TLN2: variants seen among roughly 807,000 people sequenced by gnomAD.
The protein encoded by TLN2 is talin-2.
Under a neutral mutation model 294.7 loss-of-function variants are expected in TLN2, and 118 were observed. The ratio of observed to expected loss-of-function variants is 0.40; its 90% CI spans 0.34 to 0.47. The LOEUF (loss-of-function observed/expected upper bound fraction) is 0.47. Ranked by LOEUF, TLN2 falls within the 20% of genes least tolerant of loss-of-function variation. TLN2 has a pLI of 0.84. For synonymous variants in TLN2, 1,431 were observed against 1,304.5 expected, an observed-to-expected ratio of 1.10 and a Z score of -2.09; for missense variants, 3,083 against 3,282.2, an observed-to-expected ratio of 0.94 and a Z score of 1.48.
At chr15:62,591,420 T>G (rs2046067378) in intron 2 of TLN2, among the ~76,000 whole-genome samples, 1 of 152,142 alleles carries the variant, frequency 6.6e-6, no homozygotes, top group South Asian at 2.1e-4. Context: ...ATTGCCTGTT[T>G]CCAGAAAATG....
chr15:62,467,904 C>G (rs2037235053), intron 1 of TLN2, among the ~76,000 whole-genome samples: 1 of 152,128 alleles, frequency 6.6e-6, no homozygotes, highest in African/African-American at 2.4e-5. Flanking sequence ...TCCAAAGTTC[C>G]TTCTGCATCT....
At chr15:62,628,116 A>C (rs1370091810) in intron 3 of TLN2, among the ~76,000 whole-genome samples, 1 of 152,250 alleles carries the variant, frequency 6.6e-6, no homozygotes, top group Non-Finnish European at 1.5e-5. Context: ...GAGAAGTCTA[A>C]GATTACCAGT....
Position 62,564,919 on chromosome 15 carries a change from A to ATATAT in TLN2, c.-237-24768_-237-24767insTATAT, listed in dbSNP as rs1252446922. 5.7e-3 allele frequency among the ~76,000 whole-genome samples: 641 copies of ATATAT among 112,082 alleles called. 4 individuals are homozygous for ATATAT. The highest frequency in any genetic ancestry group is 9.8e-3 in the Non-Finnish European group (523 of 53,480). The allele number at this position is 112,082 out of a possible 152,430, so 73.5% of individuals were successfully genotyped here. A position where few individuals can be genotyped will look rare whatever the true frequency, so the allele number is the denominator to read the frequency against. Reference sequence around the variant, plus strand: ...AAACTCCATCTCAAAAAAAAAAAAAAAAAAAAATATATATATATATATACT... The same window carrying ATATAT: ...AAACTCCATCTCAAAAAAAAAAAAAATATATAAAAAAATATATATATATATATACT... On this transcript the variant is annotated intron_variant, in intron 1 of 58. Transcript: ENST00000636159.
intron 1 of TLN2, among the ~76,000 whole-genome samples, chr15:62,533,944 C>T (rs2041189878): frequency 6.6e-6 from 1 of 152,132 alleles, no homozygotes. Context: ...AGATGGTTGC[C>T]CATTGTCTTA....
At chr15:62,824,929 G>C (rs779254296) in intron 54 of TLN2, among the ~76,000 whole-genome samples, 2 of 152,214 alleles carry the variant, frequency 1.3e-5, no homozygotes, top group Non-Finnish European at 2.9e-5. Context: ...AAAGGTGTAA[G>C]CAAATGGTTT....
rs56279063 is a variant in TLN2, at chr15:62,574,579, C to CAAAAAAAAAAAAAAAAAAAAAAAA, written c.-237-15091_-237-15068dup. Among the ~76,000 whole-genome samples, 8 of 46,492 alleles carry CAAAAAAAAAAAAAAAAAAAAAAAA rather than the reference C, an allele frequency of 1.7e-4. 1 individual carries two copies. Among genetic ancestry groups the CAAAAAAAAAAAAAAAAAAAAAAAA allele is most frequent in the Admixed American group, 3.3e-4 (1 of 3,062 alleles). 30.5% of individuals were successfully genotyped at this position (46,492 alleles called of 152,430 possible). On this transcript the variant is annotated intron_variant, in intron 1 of 58. Coordinates refer to ENST00000636159, the MANE Select transcript of TLN2 (RefSeq NM_015059.3). Reference sequence around the variant, plus strand: ...TGGGCAACAGGATGAGACCCTGTCTCAAAAAAAAAAAAAAAAAAAAAAAAA... The same window carrying CAAAAAAAAAAAAAAAAAAAAAAAA: ...TGGGCAACAGGATGAGACCCTGTCTCAAAAAAAAAAAAAAAAAAAAAAAAAAAAAAAAAAAAAAAAAAAAAAAAA...
rs1567635025 is a variant in TLN2, at chr15:62,800,484, G to T, written c.6351G>T (p.Gly2117=). The T allele has an allele frequency of 2.5e-6, 4 of 1,614,106 alleles. No homozygotes were observed. In the South Asian group the frequency reaches 3.3e-5, roughly 13 times the overall value. ...VDDPSMYQLK[G]AAKVMVTNVT... is the part of the protein sequence containing the mutation. ...ACCCTTCCATGTACCAGCTCAAGGG[G>T]GCTGCCAAGGTAGAGTGGGGCTCCG... The change falls in exon 49 of 59, where the codon GGG becomes GGT. Residue 2117 remains glycine (G), a synonymous_variant. Transcript: ENST00000636159.
chr15:62,818,018 C>T lies in TLN2; in HGVS notation c.6772-1498C>T, dbSNP rs564813920. ...AGAGACGGAGCTTCACCATGTTGGC[C>T]GGGCTGGTCTCTAACTCCTGACCTC... On this transcript the variant is annotated intron_variant, in intron 52 of 58. Coordinates refer to ENST00000636159, the MANE Select transcript of TLN2 (RefSeq NM_015059.3). 4.3e-4 allele frequency among the ~76,000 whole-genome samples: 66 copies of T among 151,940 alleles called. 1 individual carries two copies. Among genetic ancestry groups the T allele is most frequent in the African/African-American group, 1.6e-3 (65 of 41,418 alleles).
At chr15:62,734,538 T>G (rs1320617993) in intron 28 of TLN2, among the ~76,000 whole-genome samples, 2 of 152,326 alleles carry the variant, frequency 1.3e-5, no homozygotes, top group African/African-American at 4.8e-5. Flanking sequence ...GCCAAAAGCT[T>G]AAGCGTAAAA....
chr15:62,720,581 T>A (rs988291981), intron 25 of TLN2, among the ~76,000 whole-genome samples: 2 of 152,114 alleles, frequency 1.3e-5, no homozygotes, highest in African/African-American at 4.8e-5. Context: ...AACTCTAACA[T>A]GCAGAAATAA....
intron 1 of TLN2, among the ~76,000 whole-genome samples, chr15:62,548,504 A>G (rs989228223): frequency 6.6e-6 from 1 of 152,206 alleles, no homozygotes; most frequent in Admixed American, 6.5e-5. Flanking sequence ...GTGTCTTCCT[A>G]GGCCTAGATT....
rs1307261921 is a variant in TLN2 at position 62,708,587 on chromosome 15, G to C, written c.2258G>C (p.Cys753Ser). 2 of 1,614,238 alleles carry C rather than the reference G, an allele frequency of 1.2e-6. No homozygotes were observed. The highest frequency in any genetic ancestry group is 1.6e-4 in the Middle Eastern group (1 of 6,062). ...GKLVDRSVEN[C>S]VRACQAATTD... ...CTGGTGGACCGCTCGGTGGAGAACT[G>C]TGTCCGTGCCTGCCAGGCGGCCACT... Residue 753 changes from cysteine to serine, a missense_variant, in exon 21 of 59, where the codon TGT becomes TCT. Cys to Ser is a moderately radical substitution (Grantham distance 112). Transcript: ENST00000636159.
At chr15:62,792,182 AT>A (rs2065122188) in intron 45 of TLN2, among the ~76,000 whole-genome samples, 2 of 152,198 alleles carry the variant, frequency 1.3e-5, no homozygotes, top group African/African-American at 4.8e-5. Context: ...CGGAAACCAC[AT>A]TTTGAACCTC....
chr15:62,454,618 C>G (rs2036356012), intron 1 of TLN2, among the ~76,000 whole-genome samples: 1 of 152,118 alleles, frequency 6.6e-6, no homozygotes, highest in African/African-American at 2.4e-5. Context: ...ACCCTGTGCC[C>G]CATCCTTCCG....
At chr15:62,631,309 A>T (rs1320946717) in intron 3 of TLN2, among the ~76,000 whole-genome samples, 1 of 152,186 alleles carries the variant, frequency 6.6e-6, no homozygotes, top group Admixed American at 6.5e-5. Context: ...ATTTTGGAGA[A>T]GACACATGCA....
At chr15:62,715,798 C>G (rs1184917099) in intron 22 of TLN2, among the ~76,000 whole-genome samples, 1 of 152,192 alleles carries the variant, frequency 6.6e-6, no homozygotes, top group Non-Finnish European at 1.5e-5. Context: ...CATGGTCTTT[C>G]TTTAACAAAA....
intron 1 of TLN2, among the ~76,000 whole-genome samples, chr15:62,580,393 C>T (rs2044832638): frequency 7.4e-6 from 1 of 134,516 alleles, no homozygotes; most frequent in Non-Finnish European, 1.7e-5. Context: ...TCTCTCTTCT[C>T]CCCTCTCTAC....
At chr15:62,639,366 A>G (rs1271901688) in intron 3 of TLN2, among the ~76,000 whole-genome samples, 1 of 152,168 alleles carries the variant, frequency 6.6e-6, no homozygotes, top group Admixed American at 6.5e-5. Context: ...GAAGCCAGCA[A>G]CTTGGCTGGA....
chr15:62,808,323 T>TG lies in TLN2; in HGVS notation c.6664-1601dup, dbSNP rs531714507. On this transcript the variant is annotated intron_variant, in intron 51 of 58. Transcript: ENST00000636159. ...TGTTGCTATATTGCTGACTTTTTAATGACTACAAAATACCCTTAATGAATA... is the reference window on the plus strand; with the variant it reads ...TGTTGCTATATTGCTGACTTTTTAATGGACTACAAAATACCCTTAATGAATA... Among the ~76,000 whole-genome samples the TG allele has an allele frequency of 6.1e-3, 937 of 152,362 alleles. 16 individuals carry two copies. The highest frequency in any genetic ancestry group is 0.02 in the African/African-American group (845 of 41,570).
Sources: gnomAD v4.1 joint callset for allele counts (sites outside exome capture counted in the v4.1 genomes callset) on GRCh38, gnomAD v4.1.1 for gene constraint, MANE v1.5 for transcripts, NCBI Gene and HGNC (gene_info 2026-07-23, HGNC 2026-07-21) for gene names.